Variants in KIDINS220 observed in about 807,000 individuals in gnomAD.
KIDINS220 encodes the protein kinase D-interacting substrate of 220 kDa.
KIDINS220 carries 63 observed loss-of-function variants against 157.6 expected under a neutral mutation model. The observed-to-expected ratio is 0.40, with a 90% CI of 0.33 to 0.49. The LOEUF is 0.49. Ranked by LOEUF, KIDINS220 falls within the 20% of genes least tolerant of loss-of-function variation. KIDINS220 has a pLI of 0.66. For synonymous variants in KIDINS220, 732 were observed against 783.6 expected, an observed-to-expected ratio of 0.93 and a Z score of 1.10; for missense variants, 1,772 against 2,171.2, an observed-to-expected ratio of 0.82 and a Z score of 3.65.
intron 22 of KIDINS220, among the ~76,000 whole-genome samples, chr2:8,769,367 A>T (rs933142585): frequency 3.3e-5 from 5 of 152,256 alleles, no homozygotes; most frequent in African/African-American, 1.2e-4. Context: ...GGGTCTAAGA[A>T]TCTAAAGCAG....
chr2:8,770,633 A>C, intron 22 of KIDINS220, 37 bp downstream of exon 22: 1 of 1,344,694 alleles, frequency 7.4e-7, no homozygotes, highest in Non-Finnish European at 1.0e-6. Context: ...AACTCAACCT[A>C]AAATAAAGTA....
chr2:8,752,748 T>G (rs1026947700), intron 22 of KIDINS220, among the ~76,000 whole-genome samples: 1 of 152,232 alleles, frequency 6.6e-6, no homozygotes, highest in Non-Finnish European at 1.5e-5. Flanking sequence ...AAAAAGGGTT[T>G]TGTTTCCTAT....
At chr2:8,788,597 T>C (rs1672746330) in intron 15 of KIDINS220, 50 bp downstream of exon 15, 1 of 1,566,274 alleles carries the variant, frequency 6.4e-7, no homozygotes, top group South Asian at 1.2e-5. Context: ...TGAAAAATAT[T>C]TTTTTCTGAA....
chr2:8,779,497 T>C (rs896170572), intron 18 of KIDINS220, among the ~76,000 whole-genome samples, 177 bp downstream of exon 18: 1 of 152,246 alleles, frequency 6.6e-6, no homozygotes, highest in Admixed American at 6.5e-5. Context: ...TGACTAAACA[T>C]TTATTCTTGC....
At chr2:8,819,924 G>A (rs1677672935) in intron 2 of KIDINS220, among the ~76,000 whole-genome samples, 1 of 152,148 alleles carries the variant, frequency 6.6e-6, no homozygotes, top group Non-Finnish European at 1.5e-5. Context: ...TGAGAAAAAT[G>A]TACACCAAAA....
chr2:8,769,785 A>G (rs899291476), intron 22 of KIDINS220, among the ~76,000 whole-genome samples: 4 of 152,224 alleles, frequency 2.6e-5, no homozygotes, highest in African/African-American at 9.6e-5. Context: ...GATGATTTGT[A>G]AAACCTCAAA....
Position 8,790,153 on chromosome 2 carries a change from C to T in KIDINS220, c.1442-94G>A, listed in dbSNP as rs1424804458. The T allele has an allele frequency of 2.6e-6, 3 of 1,167,306 alleles. No individual in the cohort carries two copies. In the African/African-American group the frequency reaches 4.7e-5, roughly 18 times the overall value. The allele number at this position is 1,167,306 out of a possible 1,614,324, so 72.3% of individuals were successfully genotyped here. A position where few individuals can be genotyped will look rare whatever the true frequency, so the allele number is the denominator to read the frequency against. On this transcript the variant is annotated intron_variant, in intron 13 of 29. Transcript: ENST00000256707. ...GCAGTTTTCACATTTTCAATGTAAA[C>T]ATTTATTGGACACTTAGTAGGTCCC...
chr2:8,722,081 T>C (rs1372872717), downstream of KIDINS220: 1 of 152,106 alleles, frequency 6.6e-6, no homozygotes, highest in East Asian at 1.9e-4. Flanking sequence ...CTGATAGAGA[T>C]ACAACTCCAC....
At chr2:8,772,998 G>A (rs1026925638) in intron 21 of KIDINS220, among the ~76,000 whole-genome samples, 4 of 151,934 alleles carry the variant, frequency 2.6e-5, no homozygotes, top group Non-Finnish European at 5.9e-5. Flanking sequence ...TCCAACTAAT[G>A]TTACTCAATG....
intron 3 of KIDINS220, 52 bp from the exon 4 acceptor site, chr2:8,817,768 A>G (rs1344175318): frequency 1.6e-6 from 2 of 1,230,426 alleles, no homozygotes; most frequent in Non-Finnish European, 2.3e-6. Context: ...ATAACACGTC[A>G]AAGTAAGGAA....
chr2:8,813,178 G>C, intron 5 of KIDINS220, 59 bp downstream of exon 5: 1 of 1,098,586 alleles, frequency 9.1e-7, no homozygotes. Flanking sequence ...TCAACCTTAA[G>C]TATTCCCTAA....
In KIDINS220 at chr2:8,789,951, G is replaced by A. The variant is rs563982899; in HGVS notation, c.1550C>T (p.Ala517Val). ...TCCAAGATTTGGGTGGACCGTGAAG[G>A]CAAACAATAAACCAAGCCCTCCACA... is the stretch of plus-strand genomic sequence containing the variant. ...LLCGGLGLLF[A>V]FTVHPNLGIA... The change falls in exon 14 of 30, where the codon GCC becomes GTC. Residue 517 changes from alanine to valine, a missense_variant. Transcript: ENST00000256707. The A allele has an allele frequency of 6.2e-7, 1 of 1,613,966 alleles. No individual in the cohort carries two copies. Among genetic ancestry groups the A allele is most frequent in the South Asian group, 1.1e-5 (1 of 91,056 alleles).
Position 8,747,833 on chromosome 2 carries a change from GCTAT to G in KIDINS220, c.3528+50_3528+53del, listed in dbSNP as rs1411692387. The G allele has an allele frequency of 4.4e-6, 5 of 1,126,930 alleles. No individual in the cohort carries two copies. The African/African-American group carries it at 6.5e-5, about 15-fold the overall frequency. 69.8% of individuals were successfully genotyped at this position (1,126,930 alleles called of 1,614,324 possible). A position where few individuals can be genotyped will look rare whatever the true frequency, so the allele number is the denominator to read the frequency against. The stretch of plus-strand genomic sequence containing the variant: ...TAAAGGAAATAACCAAACCTCAAAT[GCTAT>G]CTATGTTTATTATTAAATTAATATT... On this transcript the variant is annotated intron_variant, in intron 25 of 29. Transcript: ENST00000256707.
chr2:8,756,149 T>C (rs550496825), intron 22 of KIDINS220, among the ~76,000 whole-genome samples: 1 of 152,344 alleles, frequency 6.6e-6, no homozygotes, highest in Non-Finnish European at 1.5e-5. Context: ...TTTAAATTCT[T>C]TTAGCAATTT....
intron 26 of KIDINS220, among the ~76,000 whole-genome samples, chr2:8,743,173 T>A (rs1330733568): frequency 6.6e-6 from 1 of 152,188 alleles, no homozygotes; most frequent in Admixed American, 6.5e-5. Flanking sequence ...CTTTCAAAAT[T>A]TTAAAGTATC....
chr2:8,788,522 G>A (rs1380756891), intron 15 of KIDINS220, 125 bp downstream of exon 15: 2 of 839,902 alleles, frequency 2.4e-6, no homozygotes, highest in African/African-American at 1.7e-5. Context: ...GCCCACCTTG[G>A]CCTCCCAAAG....
Position 8,785,825 on chromosome 2 carries a change from C to T in KIDINS220, c.2145G>A (p.Leu715=). Residue 715 remains leucine, a synonymous_variant, in exon 17 of 30, where the codon CTG becomes CTA. Coordinates refer to ENST00000256707, the MANE Select transcript of KIDINS220 (RefSeq NM_020738.4). ...TTCTTTGGGAATTCAGGAGCGAGTCCAGCACTTGCCACCATGTACGACAGT... is the reference window on the plus strand; with the variant it reads ...TTCTTTGGGAATTCAGGAGCGAGTCTAGCACTTGCCACCATGTACGACAGT... ...VLNCRTWWQV[L]DSLLNSQRKR... 1.2e-6 allele frequency: 2 copies of T among 1,614,108 alleles called. No homozygotes were observed. The highest frequency in any genetic ancestry group is 1.7e-6 in the Non-Finnish European group (2 of 1,180,000).
intron 7 of KIDINS220, among the ~76,000 whole-genome samples, chr2:8,805,451 C>T (rs758541703): frequency 6.6e-6 from 1 of 152,090 alleles, no homozygotes; most frequent in South Asian, 2.1e-4. Context: ...CCAAAAATAA[C>T]CTCATTAACA....
chr2:8,736,357 C>G (rs2147972205), intron 27 of KIDINS220, among the ~76,000 whole-genome samples: 1 of 152,274 alleles, frequency 6.6e-6, no homozygotes, highest in South Asian at 2.1e-4. Context: ...TATGCAAATG[C>G]ATTAACCTTG....
Sources: allele counts gnomAD v4.1 joint callset (sites outside exome capture counted in the v4.1 genomes callset), GRCh38; gene constraint gnomAD v4.1.1; transcripts MANE v1.5; gene names NCBI Gene and HGNC (gene_info 2026-07-23, HGNC 2026-07-21).